The following CATSPERE variants were observed in gnomAD, a reference collection of about 807,000 sequenced individuals.
CATSPERE encodes the protein catsper channel auxiliary subunit epsilon.
In CATSPERE, 93 loss-of-function variants were observed where a neutral mutation model predicts 114.1. That is an observed-to-expected ratio of 0.81 (90% confidence interval 0.69 to 0.97). The LOEUF is 0.97. CATSPERE is among the 50% of genes least tolerant of loss of function. CATSPERE has a pLI of 0.00. For missense variants in CATSPERE, 1,058 were observed against 1,131.6 expected (o/e 0.93, Z 0.93); for synonymous variants, 341 against 384.1 (o/e 0.89, Z 1.31).
At chr1:244,490,407 A>G in intron 5 of CATSPERE, 40 bp from the exon 6 acceptor site, 1 of 1,415,012 alleles carries the variant, frequency 7.1e-7, no homozygotes, top group Non-Finnish European at 9.9e-7. Flanking sequence ...AATGTTTAAC[A>G]GGCTGTTTAC....
chr1:244,610,812 G>C (rs1396045434), intron 19 of CATSPERE, among the ~76,000 whole-genome samples: 1 of 150,668 alleles, frequency 6.6e-6, no homozygotes. Flanking sequence ...CTAAGCTGGA[G>C]GGCAGTGGCA....
At chr1:244,516,664 G>A (rs917410362) in intron 7 of CATSPERE, among the ~76,000 whole-genome samples, 4 of 150,764 alleles carry the variant, frequency 2.7e-5, no homozygotes, top group African/African-American at 7.5e-5. Context: ...TGGGACTACA[G>A]GCGTGTGCTA....
chr1:244,620,039 G>A (rs1457090413), intron 20 of CATSPERE, among the ~76,000 whole-genome samples: 1 of 152,198 alleles, frequency 6.6e-6, no homozygotes, highest in Admixed American at 6.5e-5. Flanking sequence ...TAAGTCAAGA[G>A]ATAAGTAAAG....
chr1:244,538,696 C>A (rs1680733560), intron 8 of CATSPERE, among the ~76,000 whole-genome samples: 1 of 152,270 alleles, frequency 6.6e-6, no homozygotes, highest in South Asian at 2.1e-4. Context: ...TCCCCTAGGC[C>A]CACAGTTTCC....
At chr1:244,518,508 A>T (rs919006321) in intron 7 of CATSPERE, 84 bp from the exon 8 acceptor site, 45 of 868,066 alleles carry the variant, frequency 5.2e-5, no homozygotes, top group East Asian at 4.4e-4. Flanking sequence ...TAACGAAAAT[A>T]ACAAATTCAA....
intron 17 of CATSPERE, among the ~76,000 whole-genome samples, chr1:244,600,000 TAAAG>T (rs939151867): frequency 2.0e-5 from 3 of 152,076 alleles, no homozygotes; most frequent in African/African-American, 4.8e-5. Flanking sequence ...AGTTTGAGGA[TAAAG>T]AAAGGAAGGT....
intron 17 of CATSPERE, chr1:244,598,628 G>A (rs940251855): frequency 2.9e-5 from 10 of 349,322 alleles, no homozygotes; most frequent in South Asian, 1.4e-4. Context: ...CCTTTTCCAC[G>A]GTGTGGCACT....
chr1:244,639,921 AT>A lies in CATSPERE; in HGVS notation c.2703-4del. The A allele has an allele frequency of 6.8e-7, 1 of 1,478,172 alleles. No homozygotes were observed. Among genetic ancestry groups the A allele is most frequent in the Admixed American group, 2.6e-5 (1 of 38,846 alleles). 91.6% of individuals were successfully genotyped at this position (1,478,172 alleles called of 1,614,324 possible). A position where few individuals can be genotyped will look rare whatever the true frequency, so the allele number is the denominator to read the frequency against. ...CTAATGCCTTTTTTTTTTTTTTCTG[AT>A]TTCAGTCCAAGTGTCTACCTGGTAG... On this transcript the variant is annotated splice_region_variant and splice_polypyrimidine_tract_variant and intron_variant, in intron 21 of 21. Coordinates refer to ENST00000366534, the MANE Select transcript of CATSPERE (RefSeq NM_001130957.2).
chr1:244,506,812 A>G (rs919722238), intron 7 of CATSPERE, among the ~76,000 whole-genome samples: 1 of 152,156 alleles, frequency 6.6e-6, no homozygotes, highest in African/African-American at 2.4e-5. Flanking sequence ...AATATACAAT[A>G]AATGATTAAG....
intron 9 of CATSPERE, among the ~76,000 whole-genome samples, chr1:244,553,828 G>A (rs1199949221): frequency 6.6e-6 from 1 of 151,676 alleles, no homozygotes; most frequent in Non-Finnish European, 1.5e-5. Flanking sequence ...TCCCTCCCAC[G>A]CACCCCTCTC....
intron 11 of CATSPERE, 46 bp from the exon 12 acceptor site, chr1:244,581,737 GTGGGATCACCACC>G: frequency 1.4e-6 from 1 of 729,510 alleles, no homozygotes; most frequent in East Asian, 3.0e-5. Flanking sequence ...TGCTACTAAA[GTGGGATCACCACC>G]CCCAATTTCC....
At chr1:244,615,633 G>A (rs529454041) in intron 19 of CATSPERE, among the ~76,000 whole-genome samples, 111 of 151,964 alleles carry the variant, frequency 7.3e-4, no homozygotes, top group Non-Finnish European at 3.1e-4. Context: ...GTAATCTTAC[G>A]GGACCACTAT....
At chr1:244,494,405 G>T (rs1315960000) in intron 6 of CATSPERE, among the ~76,000 whole-genome samples, 1 of 136,192 alleles carries the variant, frequency 7.3e-6, no homozygotes, top group African/African-American at 2.8e-5. Context: ...TGAACAATGA[G>T]AACACATGGA....
chr1:244,517,512 G>A (rs972619988), intron 7 of CATSPERE, among the ~76,000 whole-genome samples: 3 of 151,704 alleles, frequency 2.0e-5, no homozygotes, highest in African/African-American at 4.9e-5. Context: ...TGGCTCATGC[G>A]TGTAATCCCA....
chr1:244,527,989 A>G (rs72767897), intron 8 of CATSPERE, among the ~76,000 whole-genome samples: 19,571 of 152,106 alleles, frequency 0.13, 2,195 homozygotes, highest in African/African-American at 0.3. Context: ...AAGTTCAGGG[A>G]TACAGCAAGT....
intron 1 of CATSPERE, among the ~76,000 whole-genome samples, chr1:244,461,763 A>G (rs1271455635): frequency 6.6e-6 from 1 of 152,156 alleles, no homozygotes; most frequent in South Asian, 2.1e-4. Flanking sequence ...TGCTGTCCTC[A>G]GAACATCTGA....
chr1:244,463,912 T>G lies in CATSPERE; in HGVS notation c.70T>G (p.Ser24Ala), dbSNP rs1358476090. ...SCYGSALWRY[S>A]TNSPNYRIFS... ...ACTTGGCCTCTTCCTCCACAGGTAT[T>G]CCACTAACAGCCCAAACTATCGCAT... Residue 24 changes from serine (S) to alanine (A), a missense_variant, in exon 2 of 22, where the codon TCC becomes GCC. Ser to Ala is a moderately conservative substitution (Grantham distance 99, BLOSUM62 1). Coordinates refer to ENST00000366534, the MANE Select transcript of CATSPERE (RefSeq NM_001130957.2). The G allele has an allele frequency of 6.3e-7, 1 of 1,598,356 alleles. No individual in the cohort carries two copies. The highest frequency in any genetic ancestry group is 8.6e-7 in the Non-Finnish European group (1 of 1,166,024).
At chr1:244,594,120 G>A (rs56326863) in intron 17 of CATSPERE, among the ~76,000 whole-genome samples, 26,979 of 152,076 alleles carry the variant, frequency 0.18, 3,368 homozygotes, top group East Asian at 0.39. Context: ...AGGAGATCGA[G>A]ATCAGCATAG....
At chr1:244,540,500 A>C (rs1280719464) in intron 8 of CATSPERE, among the ~76,000 whole-genome samples, 1 of 143,526 alleles carries the variant, frequency 7.0e-6, no homozygotes, top group East Asian at 2.2e-4. Context: ...CAATGAAATA[A>C]AAGAGGATAC....
Sources: gnomAD v4.1 joint callset for allele counts (sites outside exome capture counted in the v4.1 genomes callset) on GRCh38, gnomAD v4.1.1 for gene constraint, MANE v1.5 for transcripts, NCBI Gene and HGNC (gene_info 2026-07-23, HGNC 2026-07-21) for gene names.